Variants in PAK1 observed in about 807,000 individuals in gnomAD.
PAK1 encodes p21 (RAC1) activated kinase 1.
A neutral mutation model predicts 67.4 loss-of-function variants in PAK1; 29 were observed. That is an observed-to-expected ratio of 0.43 (90% CI 0.32 to 0.59). PAK1 has a LOEUF of 0.59. PAK1 is among the 20% of genes least tolerant of loss of function. PAK1 has a pLI of 0.07. For synonymous variants in PAK1, 223 were observed against 237.4 expected (o/e 0.94, Z 0.56); for missense variants, 337 against 670.7 (o/e 0.50, Z 5.50).
chr11:77,411,806 CGAT>C (rs1954586915), intron 1 of PAK1: 1 of 152,334 alleles, frequency 6.6e-6, no homozygotes, highest in African/African-American at 2.4e-5. Context: ...GCATCTCTGG[CGAT>C]TGTTTCCGTC....
chr11:77,380,223 G>A (rs1042074410), intron 2 of PAK1, among the ~76,000 whole-genome samples: 4 of 152,188 alleles, frequency 2.6e-5, no homozygotes, highest in Admixed American at 2.6e-4. Context: ...GCCGGGCACG[G>A]TGGTTCATGC....
At chr11:77,446,945 C>T (rs1229437827) in intron 1 of PAK1, among the ~76,000 whole-genome samples, 1 of 151,656 alleles carries the variant, frequency 6.6e-6, no homozygotes, top group Admixed American at 6.6e-5. Context: ...TAATCTAGAG[C>T]CTTGCATAGT....
intron 1 of PAK1, among the ~76,000 whole-genome samples, chr11:77,443,390 A>T (rs1189671408): frequency 6.6e-6 from 1 of 152,062 alleles, no homozygotes; most frequent in East Asian, 1.9e-4. Flanking sequence ...CATTCCCAAC[A>T]GCCACCACAA....
At chr11:77,459,694 T>C (rs983540987) in intron 1 of PAK1, among the ~76,000 whole-genome samples, 6 of 148,522 alleles carry the variant, frequency 4.0e-5, no homozygotes, top group African/African-American at 7.4e-5. Context: ...CTTCTTCTTT[T>C]TTTTTTTTTT....
chr11:77,443,269 C>T (rs928345419), intron 1 of PAK1, among the ~76,000 whole-genome samples: 12 of 146,634 alleles, frequency 8.2e-5, no homozygotes, highest in Admixed American at 5.5e-4. Context: ...GAGCCGTGAT[C>T]ACTGCAGCCT....
chr11:77,448,885 T>C (rs765544931), intron 1 of PAK1, among the ~76,000 whole-genome samples: 2 of 152,214 alleles, frequency 1.3e-5, no homozygotes, highest in Non-Finnish European at 2.9e-5. Context: ...AAATCACTAT[T>C]GTGATTATAA....
At chr11:77,441,515 T>G (rs1197690287) in intron 1 of PAK1, among the ~76,000 whole-genome samples, 6 of 152,220 alleles carry the variant, frequency 3.9e-5, no homozygotes, top group Non-Finnish European at 5.9e-5. Flanking sequence ...CTGGCTGAAA[T>G]GGAGGTGGAT....
chr11:77,446,903 A>C (rs1592507558), intron 1 of PAK1, among the ~76,000 whole-genome samples: 2 of 152,084 alleles, frequency 1.3e-5, no homozygotes, highest in Admixed American at 6.5e-5. Context: ...AAAAGAAAAA[A>C]AAAAAACAAA....
At chr11:77,335,332 C>A (rs1179192517) in intron 13 of PAK1, among the ~76,000 whole-genome samples, 1 of 152,200 alleles carries the variant, frequency 6.6e-6, no homozygotes, top group Non-Finnish European at 1.5e-5. Context: ...AAACTCTACT[C>A]CAGCTCCACT....
the PAK1 span, among the ~76,000 whole-genome samples, chr11:77,480,788 T>C: frequency 6.6e-6 from 1 of 152,156 alleles, no homozygotes; most frequent in African/African-American, 2.4e-5. Flanking sequence ...CCTCCCAAAG[T>C]GCTGGGATTA....
At chr11:77,450,419 C>T (rs2135392246) in intron 1 of PAK1, among the ~76,000 whole-genome samples, 1 of 152,122 alleles carries the variant, frequency 6.6e-6, no homozygotes, top group East Asian at 1.9e-4. Context: ...AGCTGTCTGG[C>T]CTGACCATAT....
At chr11:77,529,324 T>C in the PAK1 span, among the ~76,000 whole-genome samples, 9 of 152,178 alleles carry the variant, frequency 5.9e-5, no homozygotes, top group African/African-American at 2.2e-4. Context: ...TTATCTATGC[T>C]GCAATCTCTA....
At position 77,349,276 on chromosome 11, in the gene PAK1, G is replaced by A. The variant is rs1944896965; in HGVS notation, c.848C>T (p.Thr283Ile). The change falls in exon 9 of 15, where the codon ACC becomes ATC. Residue 283 changes from threonine (T) to isoleucine (I), a missense_variant. Physicochemically the swap from Thr to Ile is moderately conservative, Grantham distance 89. Transcript: ENST00000356341. The stretch of plus-strand genomic sequence containing the variant: ...GGCCACATCCATTGCTGTGTACACG[G>A]TGCCTGAAGCACTGAACAGTAAGGT... ...FEKIGQGASG[T>I]VYTAMDVATG... is the part of the protein sequence containing the mutation. The A allele has an allele frequency of 6.2e-7, 1 of 1,600,362 alleles. No individual in the cohort carries two copies. Among genetic ancestry groups the A allele is most frequent in the Non-Finnish European group, 8.5e-7 (1 of 1,172,640 alleles).
intron 1 of PAK1, among the ~76,000 whole-genome samples, chr11:77,427,198 G>A (rs1305748774): frequency 6.6e-6 from 1 of 152,190 alleles, no homozygotes; most frequent in Non-Finnish European, 1.5e-5. Context: ...AAGTGTCTCT[G>A]CAGAGACAGA....
At chr11:77,391,756 C>T (rs560676145) in intron 2 of PAK1, among the ~76,000 whole-genome samples, 46 of 152,324 alleles carry the variant, frequency 3.0e-4, no homozygotes, top group African/African-American at 1.0e-3. Context: ...CATATGATTA[C>T]TCTTCTATTA....
intron 4 of PAK1, among the ~76,000 whole-genome samples, chr11:77,375,408 G>A (rs1282978548): frequency 6.6e-6 from 1 of 152,162 alleles, no homozygotes; most frequent in African/African-American, 2.4e-5. Context: ...AAGGACTAAG[G>A]TTGAGGAAAA....
intron 5 of PAK1, among the ~76,000 whole-genome samples, chr11:77,368,364 C>A (rs1183109217): frequency 6.6e-6 from 1 of 152,196 alleles, no homozygotes; most frequent in Non-Finnish European, 1.5e-5. Context: ...CTATAAGCAG[C>A]TGAAGTATTA....
At chr11:77,481,365 T>C in the PAK1 span, among the ~76,000 whole-genome samples, 1 of 152,138 alleles carries the variant, frequency 6.6e-6, no homozygotes. Context: ...GTGATTTGGG[T>C]GATTTGTGTC....
chr11:77,511,780 T>C, the PAK1 span, among the ~76,000 whole-genome samples: 1 of 152,202 alleles, frequency 6.6e-6, no homozygotes, highest in South Asian at 2.1e-4. Flanking sequence ...AACATTGTTT[T>C]TGACAAGTGG....
Sources: gnomAD v4.1 joint callset for allele counts (sites outside exome capture counted in the v4.1 genomes callset) on GRCh38, gnomAD v4.1.1 for gene constraint, MANE v1.5 for transcripts, NCBI Gene and HGNC (gene_info 2026-07-23, HGNC 2026-07-21) for gene names.